COG5: variants seen among roughly 807,000 people sequenced by gnomAD.
COG5 encodes component of oligomeric golgi complex 5, also known as conserved oligomeric Golgi complex subunit 5.
In COG5, 86 loss-of-function variants were observed where a neutral mutation model predicts 110.4. The observed-to-expected ratio is 0.78, with a 90% CI of 0.65 to 0.93. COG5 has a LOEUF of 0.93. Ranked by LOEUF, COG5 falls within the 40% of genes least tolerant of loss-of-function variation. The probability of loss-of-function intolerance (pLI) is 0.00; values close to 1 mark genes in which losing one functional copy is unlikely to be tolerated. For synonymous variants in COG5, 360 were observed against 334.6 expected, an observed-to-expected ratio of 1.08 and a Z score of -0.83; for missense variants, 1,077 against 987.0, an observed-to-expected ratio of 1.09 and a Z score of -1.22.
intron 6 of COG5, among the ~76,000 whole-genome samples, chr7:107,440,282 A>T (rs1302205580): frequency 6.6e-6 from 1 of 152,178 alleles, no homozygotes; most frequent in Non-Finnish European, 1.5e-5. Flanking sequence ...ATTAATTACC[A>T]TAAGTTTATT....
At chr7:107,534,491 C>CA (rs762079738) in intron 5 of COG5, among the ~76,000 whole-genome samples, 1,507 of 123,594 alleles carry the variant, frequency 0.012, 53 homozygotes, top group African/African-American at 0.035. Context: ...AAATGGAAAG[C>CA]AAAAAAAAAA....
At chr7:107,359,032 G>A (rs1812871881) in intron 10 of COG5, among the ~76,000 whole-genome samples, 1 of 152,216 alleles carries the variant, frequency 6.6e-6, no homozygotes. Context: ...CTGCCATGAG[G>A]CTGGCTGCAG....
At chr7:107,499,404 G>A (rs1231245458) in intron 6 of COG5, among the ~76,000 whole-genome samples, 1 of 143,056 alleles carries the variant, frequency 7.0e-6, no homozygotes. Flanking sequence ...GGGAAGAGGA[G>A]TAAATTTTTT....
chr7:107,511,768 CAT>C (rs1799534496), intron 6 of COG5, among the ~76,000 whole-genome samples: 1 of 152,084 alleles, frequency 6.6e-6, no homozygotes, highest in Non-Finnish European at 1.5e-5. Context: ...TGTAATCCAG[CAT>C]ATAAACAGAA....
intron 5 of COG5, among the ~76,000 whole-genome samples, chr7:107,539,298 A>G (rs1339664355): frequency 6.6e-6 from 1 of 152,180 alleles, no homozygotes; most frequent in South Asian, 2.1e-4. Context: ...ATGAAATGAC[A>G]TGTTATTCAA....
intron 7 of COG5, among the ~76,000 whole-genome samples, chr7:107,392,676 CA>C (rs60351972): frequency 0.019 from 2,536 of 136,822 alleles, 65 homozygotes; most frequent in African/African-American, 0.056. Flanking sequence ...ATTGAAATAC[CA>C]AAAAAAAAAA....
At chr7:107,412,428 T>C (rs1287792818) in intron 7 of COG5, 74 bp downstream of exon 7, 1 of 1,443,694 alleles carries the variant, frequency 6.9e-7, no homozygotes, top group East Asian at 2.3e-5. Flanking sequence ...TATTACTTTT[T>C]TGAACTCAAA....
At chr7:107,460,481 G>A (rs185843550) in intron 6 of COG5, among the ~76,000 whole-genome samples, 1 of 152,016 alleles carries the variant, frequency 6.6e-6, no homozygotes, top group Non-Finnish European at 1.5e-5. Flanking sequence ...ACTGAACTAA[G>A]CGATATAAAA....
Position 107,474,007 on chromosome 7 carries a change from A to AC in COG5, c.538+53229_538+53230insG. ...TACGTCATTTAAATTGCCAAATATC[A>AC]AATAGTTTATTCTATTTCACTTTCT... On this transcript the variant is annotated intron_variant, in intron 6 of 21. Transcript: ENST00000297135. This position sits in a 1 kb window ranked among gnomAD's most constrained non-coding sequence, Gnocchi z 5.7. 1.1e-6 allele frequency: 1 copy of AC among 906,548 alleles called. No individual in the cohort carries two copies. 56.2% of individuals were successfully genotyped at this position (906,548 alleles called of 1,614,324 possible).
chr7:107,395,326 TAGAA>T lies in COG5; in HGVS notation c.669+17172_669+17175del, dbSNP rs139659911. Among the ~76,000 whole-genome samples, 1,473 of 151,426 alleles carry T rather than the reference TAGAA, an allele frequency of 9.7e-3. 28 individuals carry two copies. The highest frequency in any genetic ancestry group is 0.032 in the African/African-American group (1,311 of 41,266). On this transcript the variant is annotated intron_variant, in intron 7 of 21. Coordinates refer to ENST00000297135, the MANE Select transcript of COG5 (RefSeq NM_006348.5). ...GGGAGAAGTAAAGGGTGGTGGGAAG[TAGAA>T]AGAAAGAAAGAAATGATCAACACAT...
At chr7:107,372,989 A>G (rs1031941037) in intron 7 of COG5, among the ~76,000 whole-genome samples, 2 of 152,096 alleles carry the variant, frequency 1.3e-5, no homozygotes, top group African/African-American at 2.4e-5. Context: ...TTTCCCCCTT[A>G]CCATTTTTGT....
intron 1 of COG5, among the ~76,000 whole-genome samples, chr7:107,560,487 T>C (rs1803688241): frequency 6.6e-6 from 1 of 152,194 alleles, no homozygotes; most frequent in Non-Finnish European, 1.5e-5. Flanking sequence ...ATTAAGCAAC[T>C]GATACAGGAA....
At chr7:107,465,193 G>A (rs1008399947) in intron 6 of COG5, among the ~76,000 whole-genome samples, 9 of 152,030 alleles carry the variant, frequency 5.9e-5, no homozygotes, top group Non-Finnish European at 1.2e-4. Flanking sequence ...ATCTCTATTT[G>A]CAGACAATTG....
At chr7:107,251,275 T>C (rs1802483281) in intron 16 of COG5, among the ~76,000 whole-genome samples, 1 of 152,176 alleles carries the variant, frequency 6.6e-6, no homozygotes, top group Admixed American at 6.5e-5. Context: ...CCCATATTTC[T>C]ATTTTCTGTA....
At position 107,275,759 on chromosome 7, in the gene COG5, G is replaced by A. The variant is rs139823555; in HGVS notation, c.1575+5541C>T. The stretch of plus-strand genomic sequence containing the variant: ...GGCTGGTCTTGAACTTCTGACCTGA[G>A]GTGATCTGCCCACCTCAGCCTCTCA... On this transcript the variant is annotated intron_variant, in intron 14 of 21. Transcript: ENST00000297135. Among the ~76,000 whole-genome samples, 391 of 151,610 alleles carry A rather than the reference G, an allele frequency of 2.6e-3. 1 individual carries two copies. The highest frequency in any genetic ancestry group is 8.8e-3 in the African/African-American group (363 of 41,328).
intron 21 of COG5, chr7:107,208,941 C>G: frequency 1.0e-6 from 1 of 984,558 alleles, no homozygotes; most frequent in Non-Finnish European, 1.2e-6. Flanking sequence ...CTTGGCTGCA[C>G]CCTGGACCTT....
chr7:107,415,824 G>A (rs1259825727), intron 6 of COG5, among the ~76,000 whole-genome samples: 6 of 67,460 alleles, frequency 8.9e-5, no homozygotes, highest in Admixed American at 1.5e-4. Flanking sequence ...ACACATACAC[G>A]TATGTATGTA....
At chr7:107,291,245 C>A (rs888279424) in intron 12 of COG5, among the ~76,000 whole-genome samples, 1 of 151,950 alleles carries the variant, frequency 6.6e-6, no homozygotes, top group East Asian at 1.9e-4. Context: ...TTATTTTCTT[C>A]ATTCTTTTCT....
intron 12 of COG5, 65 bp from the exon 13 acceptor site, chr7:107,283,797 G>A (rs1805388969): frequency 1.7e-6 from 2 of 1,167,706 alleles, no homozygotes; most frequent in African/African-American, 1.5e-5. Flanking sequence ...ATTGTATCAG[G>A]CTGTAAATAC....
Sources: gnomAD v4.1 joint callset for allele counts (sites outside exome capture counted in the v4.1 genomes callset) on GRCh38, gnomAD v4.1.1 for gene constraint, Gnocchi (gnomAD v3.1) non-coding constraint, MANE v1.5 for transcripts, NCBI Gene and HGNC (gene_info 2026-07-23, HGNC 2026-07-21) for gene names.